The following MYO1D variants were observed in gnomAD, a reference collection of about 807,000 sequenced individuals.
MYO1D encodes myosin ID.
In MYO1D, 83 loss-of-function variants were observed where a neutral mutation model predicts 122.0. That is an observed-to-expected ratio of 0.68 (90% confidence interval 0.57 to 0.82). The LOEUF (loss-of-function observed/expected upper bound fraction) is 0.82, where lower values mean the gene tolerates loss of function less well. Among genes scored for constraint, MYO1D ranks in the 40% least tolerant of loss-of-function variants. MYO1D has a pLI of 0.00. For synonymous variants in MYO1D, 464 were observed against 446.9 expected (o/e 1.04, Z -0.48); for missense variants, 1,157 against 1,269.5 (o/e 0.91, Z 1.35).
At chr17:32,852,884 T>C (rs919881838) in intron 1 of MYO1D, among the ~76,000 whole-genome samples, 5 of 152,138 alleles carry the variant, frequency 3.3e-5, no homozygotes, top group African/African-American at 1.2e-4. Context: ...TCTAATAAGG[T>C]AATCTCATAT....
chr17:32,496,228 C>A, intron 21 of MYO1D: 1 of 152,394 alleles, frequency 6.6e-6, no homozygotes, highest in Non-Finnish European at 1.5e-5. Context: ...AGCACCTGGC[C>A]CAGCACACGC....
At chr17:32,757,885 A>G (rs1480717431) in intron 10 of MYO1D, among the ~76,000 whole-genome samples, 2 of 152,148 alleles carry the variant, frequency 1.3e-5, no homozygotes, top group Non-Finnish European at 2.9e-5. Context: ...GCTTAGGGAC[A>G]TGGGGCTCTG....
chr17:32,744,975 A>C (rs550903522), intron 13 of MYO1D, among the ~76,000 whole-genome samples: 1 of 152,362 alleles, frequency 6.6e-6, no homozygotes, highest in South Asian at 2.1e-4. Flanking sequence ...AGCAGTGAGC[A>C]CAGAAGCTGA....
intron 16 of MYO1D, among the ~76,000 whole-genome samples, chr17:32,687,621 G>A (rs2089036993): frequency 6.6e-6 from 1 of 152,208 alleles, no homozygotes; most frequent in South Asian, 2.1e-4. Context: ...GGGATTACAG[G>A]CGTGAGCCAC....
At chr17:32,693,997 G>A (rs2089138440) in intron 16 of MYO1D, among the ~76,000 whole-genome samples, 1 of 152,074 alleles carries the variant, frequency 6.6e-6, no homozygotes, top group Non-Finnish European at 1.5e-5. Context: ...ACCAGTTATA[G>A]GCTTATATTA....
chr17:32,573,731 C>T (rs904681682), intron 21 of MYO1D, among the ~76,000 whole-genome samples: 1 of 152,096 alleles, frequency 6.6e-6, no homozygotes, highest in Admixed American at 6.5e-5. Flanking sequence ...TCTTATATTC[C>T]CCAGGCTGGT....
intron 21 of MYO1D, chr17:32,594,621 G>A: frequency 1.6e-6 from 1 of 626,400 alleles, no homozygotes; most frequent in Non-Finnish European, 2.8e-6. Context: ...TTTTCTTTTA[G>A]GTCTTATAAT....
intron 1 of MYO1D, among the ~76,000 whole-genome samples, chr17:32,847,057 A>C (rs1218125012): frequency 6.6e-6 from 1 of 152,248 alleles, no homozygotes; most frequent in African/African-American, 2.4e-5. Flanking sequence ...TCCTCTTTAT[A>C]GAATTTACAG....
chr17:32,681,709 G>GA lies in MYO1D; in HGVS notation c.2122-22372dup, dbSNP rs1382102246. ...TTTGGAATAGGTGTGGTGTGGTGCT[G>GA]AAAAAAATGTATATTCTGTTGATTT... On this transcript the variant is annotated intron_variant, in intron 16 of 21. Coordinates refer to ENST00000318217, the MANE Select transcript of MYO1D (RefSeq NM_015194.3). Among the ~76,000 whole-genome samples, 3 of 148,776 alleles carry GA rather than the reference G, an allele frequency of 2.0e-5. 1 individual carries two copies. In the South Asian group the frequency reaches 6.4e-4, roughly 32 times the overall value.
chr17:32,874,118 C>T (rs928546945), intron 1 of MYO1D, among the ~76,000 whole-genome samples: 1 of 152,242 alleles, frequency 6.6e-6, no homozygotes, highest in Non-Finnish European at 1.5e-5. Context: ...TCCTCTCTTC[C>T]TCTATAAGGT....
chr17:32,498,819 CA>C (rs1909215752), intron 21 of MYO1D: 1 of 152,220 alleles, frequency 6.6e-6, no homozygotes, highest in Non-Finnish European at 1.5e-5. Flanking sequence ...GCATAGCTCA[CA>C]AAACCATATG....
At chr17:32,519,625 C>G (rs1218555361) in intron 21 of MYO1D, among the ~76,000 whole-genome samples, 14 of 151,742 alleles carry the variant, frequency 9.2e-5, no homozygotes, top group Admixed American at 2.6e-4. Context: ...CCCGGCCGGC[C>G]GCGCTTCTCC....
intron 20 of MYO1D, among the ~76,000 whole-genome samples, chr17:32,629,960 G>C (rs1267687756): frequency 6.6e-6 from 1 of 152,222 alleles, no homozygotes; most frequent in Non-Finnish European, 1.5e-5. Flanking sequence ...ATGGACAGTG[G>C]ATGGTGCAAG....
rs1221211583 is a variant in MYO1D, at chr17:32,589,270, A to G, written c.2864+15817T>C. ...TCCTGCTGCTCCCCGTGGGTTCCCT[A>G]TGCTCTACGCTGTTCTCTCTTACTG... On this transcript the variant is annotated intron_variant, in intron 21 of 21. Coordinates refer to ENST00000318217, the MANE Select transcript of MYO1D (RefSeq NM_015194.3). 5.3e-5 allele frequency among the ~76,000 whole-genome samples: 8 copies of G among 152,140 alleles called. No individual in the cohort carries two copies. The East Asian group carries it at 1.2e-3, about 22-fold the overall frequency.
chr17:32,684,994 A>T (rs2088985540), intron 16 of MYO1D, among the ~76,000 whole-genome samples: 1 of 152,128 alleles, frequency 6.6e-6, no homozygotes. Flanking sequence ...GGATTTTTTC[A>T]TGGAAAATTT....
At chr17:32,703,468 T>C (rs546207803) in intron 16 of MYO1D, among the ~76,000 whole-genome samples, 46 of 151,700 alleles carry the variant, frequency 3.0e-4, no homozygotes, top group African/African-American at 1.1e-3. Context: ...TTTTTTGAGA[T>C]AGGGGTCTTG....
At chr17:32,606,697 T>C (rs948739051) in intron 20 of MYO1D, among the ~76,000 whole-genome samples, 1 of 152,236 alleles carries the variant, frequency 6.6e-6, no homozygotes, top group Non-Finnish European at 1.5e-5. Flanking sequence ...TAAGGGAACT[T>C]AACCTGATAA....
intron 16 of MYO1D, among the ~76,000 whole-genome samples, chr17:32,705,653 C>T (rs2089297986): frequency 6.6e-6 from 1 of 152,154 alleles, no homozygotes; most frequent in South Asian, 2.1e-4. Flanking sequence ...GAAAGTAACA[C>T]AGTTTGTATC....
chr17:32,598,233 G>C (rs914076125), intron 21 of MYO1D, among the ~76,000 whole-genome samples: 2 of 152,042 alleles, frequency 1.3e-5, no homozygotes, highest in African/African-American at 4.8e-5. Flanking sequence ...AATTAGCTGG[G>C]CATGGTGACA....
Sources: gnomAD v4.1 joint callset for allele counts (sites outside exome capture counted in the v4.1 genomes callset) on GRCh38, gnomAD v4.1.1 for gene constraint, MANE v1.5 for transcripts, NCBI Gene and HGNC (gene_info 2026-07-23, HGNC 2026-07-21) for gene names.